The following ZBBX variants were observed in gnomAD, a reference collection of about 807,000 sequenced individuals.
ZBBX encodes the protein zinc finger B-box domain-containing protein 1.
In ZBBX, 101 loss-of-function variants were observed where a neutral mutation model predicts 108.5. That is an observed-to-expected ratio of 0.93 (90% CI 0.79 to 1.10). The LOEUF (loss-of-function observed/expected upper bound fraction) is 1.10. Ranked by LOEUF, ZBBX falls within the 50% of genes least tolerant of loss-of-function variation. The pLI, the probability that ZBBX is intolerant of heterozygous loss-of-function variation, is 0.00. For synonymous variants in ZBBX, 356 were observed against 323.4 expected (o/e 1.10, Z -1.08); for missense variants, 1,009 against 941.4 (o/e 1.07, Z -0.94).
chr3:167,306,699 C>T (rs945514542), intron 16 of ZBBX, among the ~76,000 whole-genome samples: 2 of 152,066 alleles, frequency 1.3e-5, no homozygotes, highest in Admixed American at 6.6e-5. Flanking sequence ...GTGGGTAACA[C>T]AGTAGTGAAA....
intron 17 of ZBBX, among the ~76,000 whole-genome samples, chr3:167,299,058 C>A (rs970871708): frequency 1.3e-5 from 2 of 151,792 alleles, no homozygotes; most frequent in African/African-American, 4.8e-5. Context: ...ATCCTGCCAC[C>A]CTATTAATTC....
At chr3:167,359,395 A>C (rs1390121066) in intron 8 of ZBBX, among the ~76,000 whole-genome samples, 2 of 152,146 alleles carry the variant, frequency 1.3e-5, no homozygotes, top group Non-Finnish European at 2.9e-5. Flanking sequence ...TGTACATTTA[A>C]GTCCATCCAT....
intron 5 of ZBBX, among the ~76,000 whole-genome samples, chr3:167,366,559 C>T (rs945577772): frequency 1.3e-5 from 2 of 151,718 alleles, no homozygotes; most frequent in African/African-American, 4.8e-5. Flanking sequence ...TAAAAAATAA[C>T]AATAAGACAA....
chr3:167,285,751 T>C (rs772307096), intron 19 of ZBBX, among the ~76,000 whole-genome samples: 3 of 152,056 alleles, frequency 2.0e-5, no homozygotes, highest in Non-Finnish European at 2.9e-5. Flanking sequence ...TGTGTCAGGA[T>C]TGGGGTATTC....
chr3:167,290,941 C>T lies in ZBBX; in HGVS notation c.1880-1958G>A, dbSNP rs1560079474. 2.6e-5 allele frequency among the ~76,000 whole-genome samples: 4 copies of T among 151,740 alleles called. No individual in the cohort carries two copies. In the South Asian group the frequency reaches 6.2e-4, roughly 24 times the overall value. ...AGTGTCAATAGCTGAATAGATCAAG[C>T]GGAAGAAAGTATATCAGAGATTAAA... is the stretch of plus-strand genomic sequence containing the variant. On this transcript the variant is annotated intron_variant, in intron 18 of 21. Transcript: ENST00000675490.
At chr3:167,308,468 A>G (rs1734041227) in intron 16 of ZBBX, among the ~76,000 whole-genome samples, 2 of 152,172 alleles carry the variant, frequency 1.3e-5, no homozygotes, top group Non-Finnish European at 2.9e-5. Context: ...GTATATACCC[A>G]AAGGAATATA....
intron 20 of ZBBX, 89 bp downstream of exon 20, chr3:167,282,149 G>T: frequency 7.4e-7 from 1 of 1,351,130 alleles, no homozygotes; most frequent in Non-Finnish European, 1.0e-6. Flanking sequence ...CTTGTTTGCT[G>T]GCTTGTTTTG....
intron 16 of ZBBX, among the ~76,000 whole-genome samples, chr3:167,313,287 T>C (rs1734896827): frequency 6.6e-6 from 1 of 152,114 alleles, no homozygotes; most frequent in African/African-American, 2.4e-5. Context: ...TTTGTTTTGT[T>C]TTTTTGAGAC....
chr3:167,313,577 C>T lies in ZBBX; in HGVS notation c.1417+397G>A, dbSNP rs573517250. Among the ~76,000 whole-genome samples the T allele has an allele frequency of 7.2e-5, 11 of 152,140 alleles. No homozygotes were observed. The South Asian group carries it at 1.7e-3, about 23-fold the overall frequency. On this transcript the variant is annotated intron_variant, in intron 16 of 21. Coordinates refer to ENST00000675490, the MANE Select transcript of ZBBX (RefSeq NM_001199201.2). The stretch of plus-strand genomic sequence containing the variant: ...GATTACAAGCTTGAGCCACCGAGCC[C>T]GGCCAGTGATTTGTTTTATTTTGGT...
chr3:167,243,227 G>A (rs1388556301), intron 20 of ZBBX, among the ~76,000 whole-genome samples: 1 of 152,184 alleles, frequency 6.6e-6, no homozygotes, highest in Non-Finnish European at 1.5e-5. Context: ...TTAGGCAAAT[G>A]TATCTTCATA....
At chr3:167,379,033 T>C (rs993586223) in intron 2 of ZBBX, among the ~76,000 whole-genome samples, 1 of 152,234 alleles carries the variant, frequency 6.6e-6, no homozygotes, top group Non-Finnish European at 1.5e-5. Flanking sequence ...ACAGTCCCTA[T>C]ACATAATGTA....
intron 20 of ZBBX, among the ~76,000 whole-genome samples, chr3:167,261,336 T>C (rs998223456): frequency 6.6e-6 from 1 of 151,766 alleles, no homozygotes; most frequent in African/African-American, 2.4e-5. Context: ...TTTCCAGAGA[T>C]CATCAGGTGT....
At chr3:167,389,701 G>T (rs766495331) in intron 1 of ZBBX, among the ~76,000 whole-genome samples, 1 of 152,058 alleles carries the variant, frequency 6.6e-6, no homozygotes, top group East Asian at 1.9e-4. Context: ...TCTCATTGTG[G>T]TTTTGATTTG....
At chr3:167,197,302 GC>G in the ZBBX span, among the ~76,000 whole-genome samples, 7,832 of 152,256 alleles carry the variant, frequency 0.051, 554 homozygotes, top group African/African-American at 0.16. Context: ...ACTTTGGGAG[GC>G]TGAGGCGGGC....
At chr3:167,295,714 T>C (rs1731530094) in intron 18 of ZBBX, among the ~76,000 whole-genome samples, 1 of 3,694 alleles carries the variant, frequency 2.7e-4, no homozygotes, top group Non-Finnish European at 5.5e-4. Flanking sequence ...AATTGGAATA[T>C]ATATATATAT....
Position 167,266,387 on chromosome 3 carries a change from T to C in ZBBX, c.2254+15851A>G, listed in dbSNP as rs142403797. ...TACCCTTTGTTCTCCAACTTAACTTTCTTGTTTCTCCTTGCCAAAAGTTAC... is the reference window on the plus strand; with the variant it reads ...TACCCTTTGTTCTCCAACTTAACTTCCTTGTTTCTCCTTGCCAAAAGTTAC... On this transcript the variant is annotated intron_variant, in intron 20 of 21. Transcript: ENST00000675490. Among the ~76,000 whole-genome samples the C allele has an allele frequency of 3.2e-4, 48 of 152,294 alleles. No homozygotes were observed. The East Asian group carries it at 8.5e-3, about 27-fold the overall frequency.
At chr3:167,191,092 TA>T in the ZBBX span, among the ~76,000 whole-genome samples, 9 of 152,194 alleles carry the variant, frequency 5.9e-5, no homozygotes, top group Admixed American at 6.5e-5. Flanking sequence ...ACCAAGTTAC[TA>T]AAGTAGAAAC....
chr3:167,399,703 A>G (rs1748358409), intron 1 of ZBBX: 1 of 152,114 alleles, frequency 6.6e-6, no homozygotes, highest in African/African-American at 2.4e-5. Context: ...CAGAATTTAC[A>G]CCATTTTTTT....
intron 19 of ZBBX, among the ~76,000 whole-genome samples, chr3:167,287,332 C>CG (rs1729887265): frequency 6.6e-6 from 1 of 151,986 alleles, no homozygotes; most frequent in South Asian, 2.1e-4. Flanking sequence ...TAGCATAACA[C>CG]GGAGTTGTTG....
Sources: allele counts gnomAD v4.1 joint callset (sites outside exome capture counted in the v4.1 genomes callset), GRCh38; gene constraint gnomAD v4.1.1; transcripts MANE v1.5; gene names NCBI Gene and HGNC (gene_info 2026-07-23, HGNC 2026-07-21).